The following SND1 variants were observed in gnomAD, a reference collection of about 807,000 sequenced individuals.
The protein encoded by SND1 is staphylococcal nuclease and tudor domain containing 1, also known as staphylococcal nuclease domain-containing protein 1.
SND1 carries 38 observed loss-of-function variants against 121.7 expected under a neutral mutation model. The ratio of observed to expected loss-of-function variants is 0.31; its 90% CI spans 0.24 to 0.41. The LOEUF is 0.41. SND1 is among the 10% of genes least tolerant of loss of function. The pLI is 1.00. For synonymous variants in SND1, 401 were observed against 447.4 expected, an observed-to-expected ratio of 0.90 and a Z score of 1.31; for missense variants, 868 against 1,184.6, an observed-to-expected ratio of 0.73 and a Z score of 3.92.
At chr7:127,747,143 A>G (rs572465219) in intron 10 of SND1, among the ~76,000 whole-genome samples, 1 of 152,344 alleles carries the variant, frequency 6.6e-6, no homozygotes, top group African/African-American at 2.4e-5. Context: ...GAAATGAAGG[A>G]AAAATGTGAT....
intron 1 of SND1, among the ~76,000 whole-genome samples, chr7:127,663,509 C>T (rs1432839847): frequency 6.6e-6 from 1 of 151,956 alleles, no homozygotes; most frequent in Non-Finnish European, 1.5e-5. Context: ...GTAGCTGGGA[C>T]TACAGGTGCA....
At chr7:127,958,533 TTAAA>T (rs1230743148) in intron 15 of SND1, among the ~76,000 whole-genome samples, 1 of 152,182 alleles carries the variant, frequency 6.6e-6, no homozygotes, top group African/African-American at 2.4e-5. Flanking sequence ...GCAGGAATGT[TTAAA>T]TAGAGTCATG....
Position 128,029,165 on chromosome 7 carries a change from C to A in SND1, c.1779+38109C>A, listed in dbSNP as rs371222195. On this transcript the variant is annotated intron_variant, in intron 16 of 23. Coordinates refer to ENST00000354725, the MANE Select transcript of SND1 (RefSeq NM_014390.4). The surrounding 1 kb of genome is among the most constrained non-coding windows in gnomAD (Gnocchi z 4.2). ...GCACACGGGTAGTCTGAATGAGCAC[C>A]GTGGTAGAGGTGGTATATGCCGGCT... 1.8e-5 allele frequency: 29 copies of A among 1,613,976 alleles called. No individual in the cohort carries two copies. The highest frequency in any genetic ancestry group is 3.3e-5 in the Admixed American group (2 of 60,008).
chr7:127,652,626 C>A (rs1795142078), intron 1 of SND1, among the ~76,000 whole-genome samples, 175 bp downstream of exon 1: 1 of 152,180 alleles, frequency 6.6e-6, no homozygotes, highest in Non-Finnish European at 1.5e-5. Context: ...CACGGAGTCC[C>A]CTTGTTCCTT....
At chr7:127,730,018 C>A (rs1322330145) in intron 10 of SND1, among the ~76,000 whole-genome samples, 1 of 152,186 alleles carries the variant, frequency 6.6e-6, no homozygotes, top group African/African-American at 2.4e-5. Context: ...GGCTGTAGTG[C>A]AATGTGGCGA....
intron 10 of SND1, among the ~76,000 whole-genome samples, chr7:127,787,788 C>T (rs1366454898): frequency 6.6e-6 from 1 of 152,078 alleles, no homozygotes; most frequent in Non-Finnish European, 1.5e-5. Context: ...TGAAAATGAA[C>T]TTTTAAAGGC....
chr7:127,695,482 C>T (rs983237115), intron 3 of SND1, among the ~76,000 whole-genome samples: 12 of 152,094 alleles, frequency 7.9e-5, no homozygotes, highest in Non-Finnish European at 1.2e-4. Flanking sequence ...CCTTACTTAA[C>T]CCTTAACCTC....
intron 3 of SND1, among the ~76,000 whole-genome samples, chr7:127,698,340 C>T (rs1410538775): frequency 6.6e-6 from 1 of 152,184 alleles, no homozygotes; most frequent in Non-Finnish European, 1.5e-5. Flanking sequence ...GGTGAAGGGA[C>T]TAACTTTTTC....
chr7:127,842,983 CAACA>C (rs1798991228), intron 11 of SND1, among the ~76,000 whole-genome samples: 1 of 152,124 alleles, frequency 6.6e-6, no homozygotes. Context: ...TCTAGGAGTC[CAACA>C]GGAATGTTGC....
chr7:127,754,080 C>T (rs1797151073), intron 10 of SND1, among the ~76,000 whole-genome samples: 2 of 152,128 alleles, frequency 1.3e-5, no homozygotes, highest in African/African-American at 4.8e-5. Flanking sequence ...AAATAGGAAG[C>T]AGAGAAAGAT....
At chr7:127,782,010 G>T (rs1797732506) in intron 10 of SND1, among the ~76,000 whole-genome samples, 1 of 152,154 alleles carries the variant, frequency 6.6e-6, no homozygotes, top group Non-Finnish European at 1.5e-5. Flanking sequence ...TCTGAGTGGT[G>T]ACCAGTTTCT....
At chr7:127,654,176 T>C (rs1451241057) in intron 1 of SND1, among the ~76,000 whole-genome samples, 1 of 152,240 alleles carries the variant, frequency 6.6e-6, no homozygotes, top group African/African-American at 2.4e-5. Flanking sequence ...TTAGGGCATC[T>C]GGATTCTGTG....
chr7:127,826,329 TA>T (rs1232682599), intron 11 of SND1, among the ~76,000 whole-genome samples: 3 of 152,248 alleles, frequency 2.0e-5, no homozygotes, highest in African/African-American at 7.2e-5. Flanking sequence ...ATGTTCATCT[TA>T]TTTTTTTTTG....
chr7:127,879,660 G>A (rs976668321), intron 12 of SND1, among the ~76,000 whole-genome samples: 5 of 152,080 alleles, frequency 3.3e-5, no homozygotes, highest in Admixed American at 6.6e-5. Flanking sequence ...GAACTCTGTC[G>A]CCTTCAGACC....
Position 127,834,819 on chromosome 7 carries a change from ATTCTAAC to A in SND1, c.1243-9502_1243-9496del, listed in dbSNP as rs576683198. 7.2e-5 allele frequency among the ~76,000 whole-genome samples: 11 copies of A among 152,274 alleles called. No individual in the cohort carries two copies. In the South Asian group the frequency reaches 2.3e-3, roughly 32 times the overall value. On this transcript the variant is annotated intron_variant, in intron 11 of 23. Coordinates refer to ENST00000354725, the MANE Select transcript of SND1 (RefSeq NM_014390.4). ...TATACATCCTTGAGGTCAGCTCACC[ATTCTAAC>A]TTTGGCCTTTATTTAATTTACCTAA...
intron 2 of SND1, 194 bp from the exon 3 acceptor site, chr7:127,694,634 C>G (rs1795976360): frequency 1.8e-6 from 1 of 558,936 alleles, no homozygotes; most frequent in Non-Finnish European, 3.0e-6. Context: ...ACTGCTGGAC[C>G]CTCCTTTTTT....
intron 10 of SND1, among the ~76,000 whole-genome samples, chr7:127,766,691 G>A (rs1797423002): frequency 7.5e-6 from 1 of 133,098 alleles, no homozygotes; most frequent in African/African-American, 2.8e-5. Flanking sequence ...AGAATGGCGT[G>A]AACCCAGGAG....
At chr7:127,849,498 C>A (rs999021774) in intron 12 of SND1, among the ~76,000 whole-genome samples, 1 of 152,208 alleles carries the variant, frequency 6.6e-6, no homozygotes, top group African/African-American at 2.4e-5. Flanking sequence ...CACACAGATA[C>A]ACACACTCAT....
At chr7:127,736,592 T>C (rs546900544) in intron 10 of SND1, among the ~76,000 whole-genome samples, 7 of 152,362 alleles carry the variant, frequency 4.6e-5, no homozygotes, top group African/African-American at 1.7e-4. Context: ...TAAGTTGTGC[T>C]GTCGTACAAT....
Sources: allele counts gnomAD v4.1 joint callset (sites outside exome capture counted in the v4.1 genomes callset), GRCh38; gene constraint gnomAD v4.1.1; non-coding constraint Gnocchi (gnomAD v3.1); transcripts MANE v1.5; gene names NCBI Gene and HGNC (gene_info 2026-07-23, HGNC 2026-07-21).